The following ATRNL1 variants were observed in gnomAD, a reference collection of about 807,000 sequenced individuals.
The protein encoded by ATRNL1 is attractin-like protein 1.
A neutral mutation model predicts 182.7 loss-of-function variants in ATRNL1; 95 were observed. That is an observed-to-expected ratio of 0.52 (90% CI 0.44 to 0.62). The LOEUF (loss-of-function observed/expected upper bound fraction) is 0.62, where lower values mean the gene tolerates loss of function less well. Ranked by LOEUF, ATRNL1 falls within the 20% of genes least tolerant of loss-of-function variation. ATRNL1 has a pLI of 0.00. For synonymous variants in ATRNL1, 576 were observed against 568.3 expected (o/e 1.01, Z -0.19); for missense variants, 1,471 against 1,679.5 (o/e 0.88, Z 2.17).
intron 25 of ATRNL1, among the ~76,000 whole-genome samples, chr10:115,545,169 A>G (rs2133798027): frequency 6.9e-6 from 1 of 145,730 alleles, no homozygotes; most frequent in Non-Finnish European, 1.5e-5. Context: ...CGGGAGGCGG[A>G]GCTTGCACTG....
rs1852843394 is a variant in ATRNL1, at chr10:115,549,456, A to G, written c.3717-2A>G. On this transcript the variant is annotated splice_acceptor_variant, in intron 25 of 28. Transcript: ENST00000355044. LOFTEE classifies it high-confidence loss of function. Reference sequence around the variant, plus strand: ...AAAAATTATTTGTGTTTTATTTTCCAGTTGTTTCCTATCCTTATTGCTGGT... The same window carrying G: ...AAAAATTATTTGTGTTTTATTTTCCGGTTGTTTCCTATCCTTATTGCTGGT... The G allele has an allele frequency of 1.3e-6, 2 of 1,585,432 alleles. No homozygotes were observed. Among genetic ancestry groups the G allele is most frequent in the Non-Finnish European group, 1.7e-6 (2 of 1,166,270 alleles).
chr10:115,134,216 C>A (rs1845396589), intron 5 of ATRNL1, among the ~76,000 whole-genome samples: 1 of 151,844 alleles, frequency 6.6e-6, no homozygotes, highest in Admixed American at 6.6e-5. Flanking sequence ...GATAGAGACA[C>A]AAAACCCTTC....
At chr10:115,152,145 C>A (rs1475528578) in intron 5 of ATRNL1, among the ~76,000 whole-genome samples, 4 of 152,130 alleles carry the variant, frequency 2.6e-5, no homozygotes, top group African/African-American at 9.7e-5. Context: ...AGTCAGGTAG[C>A]ATGATGCCTC....
chr10:115,631,676 A>G (rs1369790736), intron 26 of ATRNL1, among the ~76,000 whole-genome samples: 2 of 152,106 alleles, frequency 1.3e-5, no homozygotes, highest in African/African-American at 4.8e-5. Flanking sequence ...TCAAAGTTAT[A>G]ATAAAGAGAT....
chr10:115,511,625 T>G (rs899886430), intron 24 of ATRNL1, among the ~76,000 whole-genome samples: 1 of 151,942 alleles, frequency 6.6e-6, no homozygotes, highest in Non-Finnish European at 1.5e-5. Flanking sequence ...CCCACAAATT[T>G]TGACATTTTG....
intron 19 of ATRNL1, among the ~76,000 whole-genome samples, chr10:115,354,680 G>C (rs1856425621): frequency 1.3e-5 from 2 of 151,918 alleles, no homozygotes; most frequent in African/African-American, 4.8e-5. Context: ...TATTTCAGTT[G>C]AATCTTCTTG....
chr10:115,161,075 G>T (rs1157182586), intron 6 of ATRNL1, among the ~76,000 whole-genome samples: 1 of 151,516 alleles, frequency 6.6e-6, no homozygotes, highest in Non-Finnish European at 1.5e-5. Context: ...ATTTTGCATG[G>T]GTCATTCTTT....
chr10:115,570,645 G>A (rs1854331594), intron 26 of ATRNL1, among the ~76,000 whole-genome samples: 1 of 152,174 alleles, frequency 6.6e-6, no homozygotes, highest in African/African-American at 2.4e-5. Flanking sequence ...TGTATTGACT[G>A]TAGATGGGGG....
In ATRNL1 at chr10:115,129,502, G is replaced by C; in HGVS notation, c.796G>C (p.Glu266Gln). Residue 266 changes from glutamate to glutamine, a missense_variant, in exon 5 of 29, where the codon GAA (glutamate) becomes CAA (glutamine). By Grantham distance (29) the Glu-to-Gln change is conservative. Coordinates refer to ENST00000355044, the MANE Select transcript of ATRNL1 (RefSeq NM_207303.4). ...TCACGGTTACTGTGACCTGACTGGA[G>C]AAAAATTATGTGTCTGCAATGATAG... is the stretch of plus-strand genomic sequence containing the variant. Reference protein sequence around the residue: ...PDHGYCDLTGEKLCVCNDSWQ... With the variant: ...PDHGYCDLTGQKLCVCNDSWQ... 1 of 1,614,102 alleles carries C rather than the reference G, an allele frequency of 6.2e-7. No homozygotes were observed. The highest frequency in any genetic ancestry group is 8.5e-7 in the Non-Finnish European group (1 of 1,180,000).
intron 10 of ATRNL1, among the ~76,000 whole-genome samples, chr10:115,248,096 T>G (rs912079091): frequency 1.3e-5 from 2 of 152,178 alleles, no homozygotes; most frequent in Non-Finnish European, 2.9e-5. Flanking sequence ...GAGGAATACA[T>G]TGTAGTGTTC....
intron 27 of ATRNL1, among the ~76,000 whole-genome samples, chr10:115,735,953 A>G (rs1306000784): frequency 1.3e-5 from 2 of 152,202 alleles, no homozygotes; most frequent in African/African-American, 2.4e-5. Flanking sequence ...TAGAGAATCT[A>G]GCTTTTCTCT....
chr10:115,279,259 GGAGA>G (rs2133919340), intron 13 of ATRNL1, among the ~76,000 whole-genome samples: 1 of 151,680 alleles, frequency 6.6e-6, no homozygotes, highest in East Asian at 1.9e-4. Flanking sequence ...GGCATACTAA[GGAGA>G]CTATTATAAT....
chr10:115,403,615 C>A (rs533143087), intron 20 of ATRNL1, among the ~76,000 whole-genome samples: 1 of 151,994 alleles, frequency 6.6e-6, no homozygotes, highest in Non-Finnish European at 1.5e-5. Flanking sequence ...CCACCGCACC[C>A]GGCTAATTTT....
intron 25 of ATRNL1, among the ~76,000 whole-genome samples, chr10:115,536,223 A>G (rs1460183254): frequency 6.6e-6 from 1 of 152,134 alleles, no homozygotes; most frequent in Non-Finnish European, 1.5e-5. Context: ...GGTGGAGCCT[A>G]CAGAGACAGG....
rs1953867707 is a variant in ATRNL1, at chr10:115,945,936, A to C, written c.*1157A>C. ...GTCCATGGTTGCCCACAGTCAGCACACTCTTAGTGACTCAAAATTCTGAAT... is the reference window on the plus strand; with the variant it reads ...GTCCATGGTTGCCCACAGTCAGCACCCTCTTAGTGACTCAAAATTCTGAAT... On this transcript the variant is annotated 3_prime_UTR_variant, in exon 29 of 29. Coordinates refer to ENST00000355044, the MANE Select transcript of ATRNL1 (RefSeq NM_207303.4). 6.6e-5 allele frequency: 10 copies of C among 152,154 alleles called. No individual in the cohort carries two copies. Among genetic ancestry groups the C allele is most frequent in the Admixed American group, 6.5e-4 (10 of 15,280 alleles). 9.4% of individuals were successfully genotyped at this position (152,154 alleles called of 1,614,324 possible).
intron 25 of ATRNL1, among the ~76,000 whole-genome samples, chr10:115,533,729 T>C (rs1851765213): frequency 6.7e-6 from 1 of 150,028 alleles, no homozygotes; most frequent in African/African-American, 2.4e-5. Flanking sequence ...CTGCTTTCTC[T>C]TGTGGGCATT....
rs115812993 is a variant in ATRNL1 at position 115,592,628 on chromosome 10, G to A, written c.3795+43092G>A. On this transcript the variant is annotated intron_variant, in intron 26 of 28. Coordinates refer to ENST00000355044, the MANE Select transcript of ATRNL1 (RefSeq NM_207303.4). ...TCATGTAAGTGAACTCATATAATAT[G>A]TGGTCCTTTATGACTAGCGTCATTC... Among the ~76,000 whole-genome samples the A allele has an allele frequency of 4.8e-3, 731 of 152,270 alleles. 7 individuals are homozygous for A. The highest frequency in any genetic ancestry group is 0.017 in the African/African-American group (695 of 41,542).
chr10:115,348,752 G>A (rs1856094787), intron 19 of ATRNL1, among the ~76,000 whole-genome samples: 1 of 152,134 alleles, frequency 6.6e-6, no homozygotes, highest in Non-Finnish European at 1.5e-5. Context: ...GATAGAATTA[G>A]TGACAAAGAG....
chr10:115,120,680 G>A (rs1370558841), intron 2 of ATRNL1, among the ~76,000 whole-genome samples: 1 of 152,006 alleles, frequency 6.6e-6, no homozygotes, highest in Non-Finnish European at 1.5e-5. Context: ...TCATTTAGAG[G>A]TATTTTCAGT....
Sources: allele counts gnomAD v4.1 joint callset (sites outside exome capture counted in the v4.1 genomes callset), GRCh38; gene constraint gnomAD v4.1.1; transcripts MANE v1.5; gene names NCBI Gene and HGNC (gene_info 2026-07-23, HGNC 2026-07-21).